The following NFS1 variants were observed in gnomAD, a reference collection of about 807,000 sequenced individuals.
NFS1 encodes cysteine desulfurase.
NFS1 carries 26 observed loss-of-function variants against 57.3 expected under a neutral mutation model. That is an observed-to-expected ratio of 0.45 (90% CI 0.33 to 0.63). The LOEUF is 0.63. Among genes scored for constraint, NFS1 ranks in the 20% least tolerant of loss-of-function variants. The pLI is 0.02. For synonymous variants in NFS1, 209 were observed against 216.3 expected, an observed-to-expected ratio of 0.97 and a Z score of 0.30; for missense variants, 505 against 605.8, an observed-to-expected ratio of 0.83 and a Z score of 1.75.
At chr20:35,678,859 T>C (rs2034801562) in intron 7 of NFS1, among the ~76,000 whole-genome samples, 1 of 152,176 alleles carries the variant, frequency 6.6e-6, no homozygotes, top group South Asian at 2.1e-4. Flanking sequence ...ACCTTGTCCC[T>C]ATAAAACAAA....
chr20:35,673,700 C>A lies in NFS1; in HGVS notation c.1137-16G>T. 1 of 1,605,136 alleles carries A rather than the reference C, an allele frequency of 6.2e-7. No individual in the cohort carries two copies. The highest frequency in any genetic ancestry group is 1.7e-4 in the Middle Eastern group (1 of 6,048). On this transcript the variant is annotated splice_polypyrimidine_tract_variant and intron_variant, in intron 10 of 12. Transcript: ENST00000374092. ...GGTGCAGGCACTGAGGAGAGAGACACGAACCTTGTTCAGTTCATCATCAAC... is the reference window on the plus strand; with the variant it reads ...GGTGCAGGCACTGAGGAGAGAGACAAGAACCTTGTTCAGTTCATCATCAAC...
At chr20:35,680,547 T>C (rs1247307533) in intron 7 of NFS1, among the ~76,000 whole-genome samples, 190 bp downstream of exon 7, 1 of 152,250 alleles carries the variant, frequency 6.6e-6, no homozygotes, top group South Asian at 2.1e-4. Context: ...GCCTGATGTA[T>C]AGTAACTGCT....
In NFS1 at chr20:35,699,112, G is replaced by A; in HGVS notation, c.97+80C>T. On this transcript the variant is annotated intron_variant, in intron 1 of 12. Coordinates refer to ENST00000374092, the MANE Select transcript of NFS1 (RefSeq NM_021100.5). The surrounding 1 kb of genome is among the most constrained non-coding windows in gnomAD (Gnocchi z 4.4). ...AGGGTCTGGGCAGCAGGGTGGACAGGAAGGCTCCGGAATATTCAGTTGCGT... is the reference window on the plus strand; with the variant it reads ...AGGGTCTGGGCAGCAGGGTGGACAGAAAGGCTCCGGAATATTCAGTTGCGT... 7.4e-7 allele frequency: 1 copy of A among 1,355,464 alleles called. No homozygotes were observed. 84.0% of individuals were successfully genotyped at this position (1,355,464 alleles called of 1,614,324 possible). A position where few individuals can be genotyped will look rare whatever the true frequency, so the allele number is the denominator to read the frequency against.
At chr20:35,691,063 G>A (rs2035032340) in intron 4 of NFS1, among the ~76,000 whole-genome samples, 1 of 152,204 alleles carries the variant, frequency 6.6e-6, no homozygotes, top group South Asian at 2.1e-4. Flanking sequence ...CCTGGGGGCA[G>A]GGCATATATA....
chr20:35,686,749 G>A (rs551373122), intron 5 of NFS1, among the ~76,000 whole-genome samples: 7 of 152,242 alleles, frequency 4.6e-5, no homozygotes, highest in Non-Finnish European at 4.4e-5. Flanking sequence ...CCCAGGTGCC[G>A]AGGCAAGAGA....
Position 35,697,790 on chromosome 20 carries a change from A to AC in NFS1, c.217dup (p.Val73GlyfsTer3). 1 of 1,610,860 alleles carries AC rather than the reference A, an allele frequency of 6.2e-7. No homozygotes were observed. Among genetic ancestry groups the AC allele is most frequent in the Non-Finnish European group, 8.5e-7 (1 of 1,177,628 alleles). On this transcript the variant is annotated frameshift_variant, in exon 3 of 13. Transcript: ENST00000374092. LOFTEE classifies it high-confidence loss of function. ...TAGGTAAGGGAGCATGGCATCAAGC[A>AC]CCCGGGGGTCCTGAACACAACAGAA...
intron 5 of NFS1, among the ~76,000 whole-genome samples, chr20:35,682,511 G>T (rs1032386308): frequency 1.3e-5 from 2 of 152,154 alleles, no homozygotes; most frequent in Non-Finnish European, 2.9e-5. Flanking sequence ...AATAAAGGCC[G>T]GGCGCAATGG....
chr20:35,680,602 A>G (rs747550333), intron 7 of NFS1, 135 bp downstream of exon 7: 7 of 666,788 alleles, frequency 1.0e-5, no homozygotes, highest in Non-Finnish European at 1.6e-5. Flanking sequence ...GCTAAATGAC[A>G]TTTGCATTCT....
In NFS1 at chr20:35,674,339, G is replaced by A. The variant is rs61612241; in HGVS notation, c.1136+11C>T. On this transcript the variant is annotated intron_variant, in intron 10 of 12. Transcript: ENST00000374092. ...CCCTGCCGCAGGCCCTGTCTATGCC[G>A]TCCAGCTCACCTCCCTGAGGATAAG... 2.3e-3 allele frequency: 3,698 copies of A among 1,612,328 alleles called. 48 individuals are homozygous for A. The East Asian group carries it at 0.041, about 18-fold the overall frequency.
intron 5 of NFS1, among the ~76,000 whole-genome samples, chr20:35,685,792 A>T: frequency 7.4e-6 from 1 of 135,136 alleles, no homozygotes; most frequent in African/African-American, 2.7e-5. Context: ...CGGGAGGCGG[A>T]GGTTGCGATG....
At chr20:35,670,704 C>G (rs750019045) in intron 12 of NFS1, among the ~76,000 whole-genome samples, 3 of 152,160 alleles carry the variant, frequency 2.0e-5, no homozygotes, top group East Asian at 1.9e-4. Flanking sequence ...GTGCAGATGC[C>G]GAAGCCACAT....
At position 35,672,398 on chromosome 20, in the gene NFS1, C is replaced by T. The variant is rs1239478806; in HGVS notation, c.1310+357G>A. Among the ~76,000 whole-genome samples, 2 of 151,976 alleles carry T rather than the reference C, an allele frequency of 1.3e-5. 1 individual carries two copies. The highest frequency in any genetic ancestry group is 1.3e-4 in the Admixed American group (2 of 15,254). ...CCAAGTAGCTGGGATTATAGGGATG[C>T]GCCACCACTCCCGGCTAATTTTTTT... On this transcript the variant is annotated intron_variant, in intron 12 of 12. Coordinates refer to ENST00000374092, the MANE Select transcript of NFS1 (RefSeq NM_021100.5).
intron 7 of NFS1, among the ~76,000 whole-genome samples, chr20:35,676,439 A>G (rs2034745441): frequency 6.6e-6 from 1 of 151,738 alleles, no homozygotes; most frequent in African/African-American, 2.4e-5. Context: ...TACAAAAATT[A>G]GCTGGGCGTG....
At chr20:35,677,608 C>T (rs1422625149) in intron 7 of NFS1, among the ~76,000 whole-genome samples, 1 of 152,092 alleles carries the variant, frequency 6.6e-6, no homozygotes, top group African/African-American at 2.4e-5. Context: ...AAATTTTGTG[C>T]CAAAATATGA....
intron 4 of NFS1, among the ~76,000 whole-genome samples, chr20:35,692,044 G>A (rs1178254379): frequency 2.0e-5 from 3 of 152,118 alleles, no homozygotes; most frequent in Admixed American, 2.0e-4. Context: ...AAATTAGCCA[G>A]GCGTGGTAGT....
chr20:35,673,080 G>C (rs963071959), intron 11 of NFS1, among the ~76,000 whole-genome samples: 1 of 152,134 alleles, frequency 6.6e-6, no homozygotes, highest in Admixed American at 6.5e-5. Context: ...ATGAGGTTGG[G>C]AGTTCGAGAC....
In NFS1 at chr20:35,672,806, T is replaced by C; in HGVS notation, c.1259A>G (p.Asp420Gly). 6.2e-7 allele frequency: 1 copy of C among 1,613,146 alleles called. No individual in the cohort carries two copies. The highest frequency in any genetic ancestry group is 8.5e-7 in the Non-Finnish European group (1 of 1,179,522). The change falls in exon 12 of 13, where the codon GAC becomes GGC. Residue 420 changes from aspartate to glycine, a missense_variant. Asp to Gly is a moderately conservative substitution (Grantham distance 94, BLOSUM62 -1). Coordinates refer to ENST00000374092, the MANE Select transcript of NFS1 (RefSeq NM_021100.5). ...IGRFTTEEEV[D>G]YTVEKCIQHV... Reference sequence around the variant, plus strand: ...CTGAATGCATTTCTCCACTGTGTAGTCCACTTCCTCCTCTGTAGTGAAGCG... The same window carrying C: ...CTGAATGCATTTCTCCACTGTGTAGCCCACTTCCTCCTCTGTAGTGAAGCG...
chr20:35,677,359 C>T (rs1364998878), intron 7 of NFS1, among the ~76,000 whole-genome samples: 1 of 151,524 alleles, frequency 6.6e-6, no homozygotes, highest in Admixed American at 6.6e-5. Flanking sequence ...CAGTGAGACC[C>T]CGTGTCTACA....
At position 35,668,900 on chromosome 20, in the gene NFS1, G is replaced by A. The variant is rs972470720; in HGVS notation, c.*722C>T. ...ATTTATGCAAATCAGATGGAGTGGC[G>A]GTCTTCTCCACAATTCCCAAGTACA... On this transcript the variant is annotated 3_prime_UTR_variant, in exon 13 of 13. Transcript: ENST00000374092. 3 of 152,056 alleles carry A rather than the reference G, an allele frequency of 2.0e-5. No individual in the cohort carries two copies. The highest frequency in any genetic ancestry group is 2.9e-5 in the Non-Finnish European group (2 of 68,008). 9.4% of individuals were successfully genotyped at this position (152,056 alleles called of 1,614,324 possible).
Sources: allele counts gnomAD v4.1 joint callset (sites outside exome capture counted in the v4.1 genomes callset), GRCh38; gene constraint gnomAD v4.1.1; non-coding constraint Gnocchi (gnomAD v3.1); transcripts MANE v1.5; gene names NCBI Gene and HGNC (gene_info 2026-07-23, HGNC 2026-07-21).